Variants in ANAPC10 observed in about 807,000 individuals in gnomAD.
The protein encoded by ANAPC10 is anaphase promoting complex subunit 10.
ANAPC10 carries 12 observed loss-of-function variants against 22.0 expected under a neutral mutation model. The ratio of observed to expected loss-of-function variants is 0.55; its 90% CI spans 0.35 to 0.88. The LOEUF (loss-of-function observed/expected upper bound fraction) is 0.88, where lower values mean the gene tolerates loss of function less well. Ranked by LOEUF, ANAPC10 falls within the 40% of genes least tolerant of loss-of-function variation. ANAPC10 has a pLI of 0.01. For synonymous variants in ANAPC10, 65 were observed against 69.5 expected (o/e 0.94, Z 0.32); for missense variants, 188 against 220.9 (o/e 0.85, Z 0.94).
chr4:145,063,541 G>C (rs1743215628), intron 4 of ANAPC10, among the ~76,000 whole-genome samples: 2 of 152,132 alleles, frequency 1.3e-5, no homozygotes, highest in Non-Finnish European at 2.9e-5. Flanking sequence ...AAATTAACTG[G>C]AGGCCTTTCA....
At chr4:145,060,202 G>C (rs1161014582) in intron 4 of ANAPC10, among the ~76,000 whole-genome samples, 1 of 152,008 alleles carries the variant, frequency 6.6e-6, no homozygotes, top group African/African-American at 2.4e-5. Context: ...AGTAGAACGA[G>C]AAGCATAAAT....
At chr4:145,053,515 G>A (rs1405448984) in intron 4 of ANAPC10, among the ~76,000 whole-genome samples, 1 of 152,144 alleles carries the variant, frequency 6.6e-6, no homozygotes, top group Non-Finnish European at 1.5e-5. Flanking sequence ...TTACAAAGTA[G>A]GCAACAGATT....
intron 2 of ANAPC10, among the ~76,000 whole-genome samples, chr4:145,090,218 C>T (rs1477753709): frequency 1.3e-5 from 2 of 152,172 alleles, no homozygotes; most frequent in Non-Finnish European, 2.9e-5. Flanking sequence ...TTCAAATCAT[C>T]TCTAGATTAC....
intron 4 of ANAPC10, chr4:144,999,358 GT>G (rs1460488884): frequency 6.6e-6 from 1 of 152,318 alleles, no homozygotes; most frequent in Non-Finnish European, 1.5e-5. Context: ...CAGCATCAAT[GT>G]GCAAAAATCA....
intron 4 of ANAPC10, among the ~76,000 whole-genome samples, chr4:145,022,501 T>C (rs1736097157): frequency 6.6e-6 from 1 of 151,562 alleles, no homozygotes; most frequent in African/African-American, 2.4e-5. Flanking sequence ...CAATGGACTT[T>C]GGGGACTTGG....
At chr4:145,059,534 C>G (rs1263601543) in intron 4 of ANAPC10, among the ~76,000 whole-genome samples, 1 of 152,104 alleles carries the variant, frequency 6.6e-6, no homozygotes, top group East Asian at 1.9e-4. Context: ...TTTATCCTTT[C>G]ATGGCCACAA....
At chr4:145,071,063 T>C (rs1030231698) in intron 3 of ANAPC10, among the ~76,000 whole-genome samples, 4 of 152,170 alleles carry the variant, frequency 2.6e-5, no homozygotes, top group Non-Finnish European at 4.4e-5. Flanking sequence ...ATGGAGGTGG[T>C]AGTGGTTGCA....
intron 3 of ANAPC10, among the ~76,000 whole-genome samples, chr4:145,080,222 G>A (rs763967421): frequency 1.7e-4 from 25 of 151,466 alleles, no homozygotes; most frequent in Non-Finnish European, 3.2e-4. Flanking sequence ...AGAAGGTGAG[G>A]ACCCAAAAAC....
At chr4:145,009,197 G>A (rs1469378533) in intron 4 of ANAPC10, among the ~76,000 whole-genome samples, 1 of 152,014 alleles carries the variant, frequency 6.6e-6, no homozygotes, top group African/African-American at 2.4e-5. Flanking sequence ...ACAAACAAAT[G>A]GAAGAACATT....
At chr4:145,083,730 C>T (rs1358177636) in intron 2 of ANAPC10, among the ~76,000 whole-genome samples, 2 of 151,854 alleles carry the variant, frequency 1.3e-5, no homozygotes, top group Admixed American at 6.6e-5. Context: ...ATTTTTTTAA[C>T]GTTGTTGCTA....
chr4:145,024,681 C>A (rs1280831666), intron 4 of ANAPC10, among the ~76,000 whole-genome samples: 1 of 152,152 alleles, frequency 6.6e-6, no homozygotes, highest in Non-Finnish European at 1.5e-5. Context: ...AGGCTTTGTT[C>A]TTCCATTTAT....
At chr4:145,032,703 C>T (rs866943396) in intron 4 of ANAPC10, among the ~76,000 whole-genome samples, 53 of 152,186 alleles carry the variant, frequency 3.5e-4, no homozygotes, top group Admixed American at 2.2e-3. Flanking sequence ...GACGTGGCTA[C>T]GGCCACTGAT....
At chr4:144,998,588 T>C (rs1731993378) in intron 4 of ANAPC10, among the ~76,000 whole-genome samples, 1 of 152,162 alleles carries the variant, frequency 6.6e-6, no homozygotes, top group South Asian at 2.1e-4. Context: ...AGACACAACA[T>C]ACCAGAATCT....
At chr4:145,044,577 T>A (rs942404597) in intron 4 of ANAPC10, among the ~76,000 whole-genome samples, 11 of 152,150 alleles carry the variant, frequency 7.2e-5, no homozygotes, top group African/African-American at 2.7e-4. Context: ...GGGGTTTTCA[T>A]TCGCAATGTT....
At chr4:145,019,590 C>G (rs573010591) in intron 4 of ANAPC10, among the ~76,000 whole-genome samples, 8 of 151,916 alleles carry the variant, frequency 5.3e-5, no homozygotes, top group Non-Finnish European at 1.2e-4. Flanking sequence ...AGGAAATGAC[C>G]AAGATCAGAG....
intron 4 of ANAPC10, among the ~76,000 whole-genome samples, chr4:145,022,581 G>C (rs916894886): frequency 2.6e-5 from 4 of 151,828 alleles, no homozygotes; most frequent in Admixed American, 1.3e-4. Context: ...TGGGTGATGG[G>C]TGCACCCAAA....
At chr4:145,011,948 A>G (rs1734381912) in intron 4 of ANAPC10, among the ~76,000 whole-genome samples, 2 of 152,110 alleles carry the variant, frequency 1.3e-5, no homozygotes, top group South Asian at 4.1e-4. Flanking sequence ...GCTAGGCCCC[A>G]GAAGTGTTAA....
intron 2 of ANAPC10, among the ~76,000 whole-genome samples, chr4:145,088,116 C>A (rs1414715783): frequency 1.3e-5 from 2 of 152,190 alleles, no homozygotes; most frequent in African/African-American, 2.4e-5. Context: ...CTCTTGACTT[C>A]TATCCATGAT....
chr4:145,086,552 T>C (rs1301159071), intron 2 of ANAPC10, among the ~76,000 whole-genome samples: 1 of 152,190 alleles, frequency 6.6e-6, no homozygotes, highest in African/African-American at 2.4e-5. Context: ...AGAGTTTATG[T>C]TGTGATAAAT....
Sources: gnomAD v4.1 joint callset for allele counts (sites outside exome capture counted in the v4.1 genomes callset) on GRCh38, gnomAD v4.1.1 for gene constraint, MANE v1.5 for transcripts, NCBI Gene and HGNC (gene_info 2026-07-23, HGNC 2026-07-21) for gene names.